Variants in SNX8 observed in about 807,000 individuals in gnomAD.
The protein encoded by SNX8 is sorting nexin 8, also known as sorting nexin-8.
SNX8 carries 25 observed loss-of-function variants against 51.6 expected under a neutral mutation model. The ratio of observed to expected loss-of-function variants is 0.48; its 90% CI spans 0.35 to 0.68. SNX8 has a LOEUF of 0.68. Among genes scored for constraint, SNX8 ranks in the 30% least tolerant of loss-of-function variants. SNX8 has a pLI of 0.00. For missense variants in SNX8, 695 were observed against 624.0 expected, an observed-to-expected ratio of 1.11 and a Z score of -1.21; for synonymous variants, 324 against 277.0, an observed-to-expected ratio of 1.17 and a Z score of -1.68.
chr7:2,306,508 T>C (rs1202826997), intron 1 of SNX8, among the ~76,000 whole-genome samples: 1 of 152,200 alleles, frequency 6.6e-6, no homozygotes, highest in African/African-American at 2.4e-5. Context: ...AACTGAAATT[T>C]TATCATATTA....
upstream of SNX8, among the ~76,000 whole-genome samples, chr7:2,318,481 G>A (rs182436849): frequency 9.3e-3 from 1,388 of 149,746 alleles, 12 homozygotes; most frequent in South Asian, 0.012. Context: ...CCAAGATCAT[G>A]CCACTGCACT....
At chr7:2,257,110 G>T in intron 9 of SNX8, 87 bp from the exon 10 acceptor site, 1 of 1,431,882 alleles carries the variant, frequency 7.0e-7, no homozygotes, top group Non-Finnish European at 9.3e-7. Flanking sequence ...CCCTGAGCCA[G>T]GGCGGCCCCT....
chr7:2,316,109 A>G (rs1303591877), upstream of SNX8, among the ~76,000 whole-genome samples: 2 of 144,654 alleles, frequency 1.4e-5, no homozygotes, highest in East Asian at 4.1e-4. Context: ...TCACCCACTC[A>G]CTCACTCACT....
intron 1 of SNX8, among the ~76,000 whole-genome samples, chr7:2,332,108 G>C (rs1562460735): frequency 6.6e-6 from 1 of 151,738 alleles, no homozygotes; most frequent in Non-Finnish European, 1.5e-5. Flanking sequence ...TTGGCAGGCT[G>C]AGGTGGGAGG....
chr7:2,331,577 C>T (rs1181319069), intron 1 of SNX8, among the ~76,000 whole-genome samples: 3 of 151,486 alleles, frequency 2.0e-5, no homozygotes, highest in Non-Finnish European at 2.9e-5. Flanking sequence ...TGGTGGCAGG[C>T]GGCTGTAATA....
chr7:2,267,593 C>T (rs1584677548), intron 5 of SNX8, among the ~76,000 whole-genome samples: 2 of 143,168 alleles, frequency 1.4e-5, no homozygotes, highest in South Asian at 2.3e-4. Flanking sequence ...GGATTGCAGA[C>T]GGAGTCTCGT....
rs59065917 is a variant in SNX8, at chr7:2,307,634, CAAAAAAAAAAAA to C, written c.94+6682_94+6693del. 1.4e-4 allele frequency: 10 copies of C among 70,296 alleles called. No individual in the cohort carries two copies. In the East Asian group the frequency reaches 3.3e-3, roughly 23 times the overall value. The allele number at this position is 70,296 out of a possible 1,614,324, so 4.4% of individuals were successfully genotyped here. A position where few individuals can be genotyped will look rare whatever the true frequency, so the allele number is the denominator to read the frequency against. ...GCAACAAGAGCAAAAACTTTGTCTC[CAAAAAAAAAAAA>C]AAAAAAAAAAAAGGTGACAGTGACA... On this transcript the variant is annotated intron_variant, in intron 1 of 10. Transcript: ENST00000222990.
chr7:2,312,479 C>T (rs1796677306), intron 1 of SNX8, among the ~76,000 whole-genome samples: 1 of 152,162 alleles, frequency 6.6e-6, no homozygotes. Flanking sequence ...TTCATGGACA[C>T]AATGTTCTAA....
At chr7:2,299,202 C>G (rs1165353733) in intron 1 of SNX8, 1 of 152,076 alleles carries the variant, frequency 6.6e-6, no homozygotes, top group East Asian at 1.9e-4. Context: ...ATCGCTGAGA[C>G]CCAGGGAACT....
intron 1 of SNX8, among the ~76,000 whole-genome samples, chr7:2,304,632 G>A (rs749474144): frequency 5.3e-5 from 8 of 151,992 alleles, no homozygotes; most frequent in Non-Finnish European, 1.0e-4. Flanking sequence ...AGGGAAGCAC[G>A]CCCATTTGCA....
chr7:2,254,834 C>T lies in SNX8; in HGVS notation c.*222G>A, dbSNP rs753537633. 3.3e-5 allele frequency: 19 copies of T among 582,540 alleles called. No homozygotes were observed. Among genetic ancestry groups the T allele is most frequent in the Non-Finnish European group, 5.5e-5 (18 of 325,916 alleles). 36.1% of individuals were successfully genotyped at this position (582,540 alleles called of 1,614,324 possible). On this transcript the variant is annotated 3_prime_UTR_variant, in exon 11 of 11. Transcript: ENST00000222990. Reference sequence around the variant, plus strand: ...TTCCAGAGAACCCCACCACCTCTCTCGACCAGGCTAGCAGGCCACAGGGCG... The same window carrying T: ...TTCCAGAGAACCCCACCACCTCTCTTGACCAGGCTAGCAGGCCACAGGGCG...
intron 1 of SNX8, among the ~76,000 whole-genome samples, chr7:2,327,784 C>G (rs1220850714): frequency 6.6e-6 from 1 of 152,292 alleles, no homozygotes; most frequent in South Asian, 2.1e-4. Flanking sequence ...CCTCGTGATC[C>G]GCCCGCCTTG....
intron 1 of SNX8, among the ~76,000 whole-genome samples, chr7:2,329,260 G>C (rs940047185): frequency 6.6e-6 from 1 of 150,550 alleles, no homozygotes; most frequent in African/African-American, 2.4e-5. Context: ...CAGAGCAAGA[G>C]TCCATCTCAA....
intron 1 of SNX8, among the ~76,000 whole-genome samples, chr7:2,329,578 T>C (rs1323007390): frequency 6.6e-6 from 1 of 152,160 alleles, no homozygotes; most frequent in East Asian, 1.9e-4. Context: ...AGGGCAGGAC[T>C]CTAACCTTCC....
At chr7:2,342,333 A>G (rs747651582) in intron 1 of SNX8, among the ~76,000 whole-genome samples, 1 of 151,758 alleles carries the variant, frequency 6.6e-6, no homozygotes, top group African/African-American at 2.4e-5. Flanking sequence ...TGTATTAGTA[A>G]TAATAATCTC....
chr7:2,347,637 T>C (rs1779058553), intron 1 of SNX8, among the ~76,000 whole-genome samples: 1 of 148,210 alleles, frequency 6.7e-6, no homozygotes, highest in Non-Finnish European at 1.5e-5. Flanking sequence ...TTTTTGCTCA[T>C]TTTATTTTCT....
At chr7:2,269,400 T>C (rs1428825058) in intron 5 of SNX8, among the ~76,000 whole-genome samples, 159 bp downstream of exon 5, 1 of 150,424 alleles carries the variant, frequency 6.6e-6, no homozygotes, top group East Asian at 2.0e-4. Flanking sequence ...GTCCTCTGCC[T>C]AGGAAAACCA....
chr7:2,322,108 G>T (rs74844339), intron 1 of SNX8, among the ~76,000 whole-genome samples: 1,557 of 152,268 alleles, frequency 0.01, 36 homozygotes, highest in African/African-American at 0.031. Context: ...TGATTCACAT[G>T]TAGTGCTTTT....
intron 5 of SNX8, among the ~76,000 whole-genome samples, chr7:2,268,461 G>GCC (rs1429246023): frequency 7.7e-6 from 1 of 129,656 alleles, no homozygotes. Flanking sequence ...GGGGGGGTCA[G>GCC]CCCCCCGCCC....
Sources: gnomAD v4.1 joint callset for allele counts (sites outside exome capture counted in the v4.1 genomes callset) on GRCh38, gnomAD v4.1.1 for gene constraint, MANE v1.5 for transcripts, NCBI Gene and HGNC (gene_info 2026-07-23, HGNC 2026-07-21) for gene names.